The following KCNH8 variants were observed in gnomAD, a reference collection of about 807,000 sequenced individuals.
KCNH8 encodes potassium voltage-gated channel subfamily H member 8, also known as voltage-gated delayed rectifier potassium channel KCNH8.
A neutral mutation model predicts 103.6 loss-of-function variants in KCNH8; 70 were observed. The observed-to-expected ratio is 0.68, with a 90% CI of 0.56 to 0.82. The LOEUF (loss-of-function observed/expected upper bound fraction) is 0.82, where lower values mean the gene tolerates loss of function less well. Ranked by LOEUF, KCNH8 falls within the 40% of genes least tolerant of loss-of-function variation. The probability of loss-of-function intolerance (pLI) is 0.00; values close to 1 mark genes in which losing one functional copy is unlikely to be tolerated. For synonymous variants in KCNH8, 498 were observed against 489.4 expected, an observed-to-expected ratio of 1.02 and a Z score of -0.23; for missense variants, 1,217 against 1,329.9, an observed-to-expected ratio of 0.92 and a Z score of 1.32.
chr3:19,437,371 GTT>G (rs765230693), intron 7 of KCNH8, among the ~76,000 whole-genome samples: 4 of 152,050 alleles, frequency 2.6e-5, no homozygotes, highest in Non-Finnish European at 5.9e-5. Context: ...ATCTTCTCAT[GTT>G]TATTAATATA....
chr3:19,390,397 C>T, intron 5 of KCNH8, 84 bp from the exon 6 acceptor site: 3 of 1,031,674 alleles, frequency 2.9e-6, no homozygotes, highest in Non-Finnish European at 4.3e-6. Flanking sequence ...CCCTTCCTTT[C>T]TTCTTTCTTT....
At chr3:19,511,974 T>G (rs974531612) in intron 12 of KCNH8, among the ~76,000 whole-genome samples, 3 of 152,206 alleles carry the variant, frequency 2.0e-5, no homozygotes, top group African/African-American at 7.2e-5. Context: ...ACTATTCATT[T>G]AAGTCAATAA....
intron 3 of KCNH8, among the ~76,000 whole-genome samples, chr3:19,290,696 G>A (rs1329906374): frequency 6.6e-6 from 1 of 152,150 alleles, no homozygotes; most frequent in Non-Finnish European, 1.5e-5. Context: ...AGGGATATTG[G>A]TCTAAAATTC....
intron 5 of KCNH8, among the ~76,000 whole-genome samples, chr3:19,363,767 G>A (rs998774793): frequency 6.6e-6 from 1 of 152,074 alleles, no homozygotes; most frequent in African/African-American, 2.4e-5. Flanking sequence ...ACAAACATCA[G>A]TGGGCCCTGA....
At chr3:19,503,021 G>C (rs1332735252) in intron 11 of KCNH8, among the ~76,000 whole-genome samples, 292 of 151,526 alleles carry the variant, frequency 1.9e-3, no homozygotes, top group African/African-American at 3.7e-3. Context: ...TTTTCGCAAC[G>C]TACTCATCTG....
intron 3 of KCNH8, among the ~76,000 whole-genome samples, chr3:19,316,914 T>A (rs1276226458): frequency 6.6e-6 from 1 of 151,926 alleles, no homozygotes; most frequent in African/African-American, 2.4e-5. Flanking sequence ...ATAGATGCTT[T>A]GAAATTGGAT....
At chr3:19,221,597 T>A (rs1482617991) in intron 1 of KCNH8, among the ~76,000 whole-genome samples, 1 of 152,184 alleles carries the variant, frequency 6.6e-6, no homozygotes, top group Non-Finnish European at 1.5e-5. Flanking sequence ...TTCCTATTTT[T>A]AAAAAACATT....
At chr3:19,484,864 G>A (rs919821083) in intron 11 of KCNH8, among the ~76,000 whole-genome samples, 5 of 152,052 alleles carry the variant, frequency 3.3e-5, no homozygotes, top group South Asian at 2.1e-4. Flanking sequence ...CCTAACTCTC[G>A]GGGAGTGCCT....
intron 1 of KCNH8, among the ~76,000 whole-genome samples, chr3:19,188,443 G>T (rs1366799083): frequency 1.3e-5 from 2 of 152,060 alleles, no homozygotes; most frequent in Non-Finnish European, 2.9e-5. Flanking sequence ...AATGAATGTG[G>T]TTAGTTTCCA....
chr3:19,515,298 G>C (rs79497517), intron 13 of KCNH8, 24 bp from the exon 14 acceptor site: 1 of 1,343,056 alleles, frequency 7.4e-7, no homozygotes, highest in East Asian at 2.3e-5. Flanking sequence ...TCCACAGCCA[G>C]CCAATTTCCT....
At chr3:19,312,813 T>C (rs915254445) in intron 3 of KCNH8, among the ~76,000 whole-genome samples, 1 of 151,958 alleles carries the variant, frequency 6.6e-6, no homozygotes, top group Non-Finnish European at 1.5e-5. Context: ...GGGTTAGATG[T>C]TCTACAAGAT....
intron 3 of KCNH8, among the ~76,000 whole-genome samples, chr3:19,300,804 G>A (rs561376889): frequency 6.6e-6 from 1 of 151,484 alleles, no homozygotes; most frequent in East Asian, 1.9e-4. Context: ...TTGAGAGCTA[G>A]AGATTTTATA....
chr3:19,268,490 A>G (rs900033141), intron 2 of KCNH8, among the ~76,000 whole-genome samples: 2 of 152,022 alleles, frequency 1.3e-5, no homozygotes, highest in Non-Finnish European at 2.9e-5. Flanking sequence ...AGGTAGGTAA[A>G]CCAAGTTAGA....
intron 7 of KCNH8, among the ~76,000 whole-genome samples, chr3:19,413,415 AAACT>A (rs1251144175): frequency 1.3e-5 from 2 of 152,008 alleles, no homozygotes; most frequent in Non-Finnish European, 2.9e-5. Context: ...AAGAGTTGAA[AAACT>A]AACTGTTGGG....
intron 11 of KCNH8, among the ~76,000 whole-genome samples, chr3:19,488,725 T>C (rs111791653): frequency 4.4e-4 from 67 of 152,200 alleles, no homozygotes; most frequent in African/African-American, 1.4e-3. Flanking sequence ...TCAGGTCCCA[T>C]TGGGGGTCTG....
intron 1 of KCNH8, among the ~76,000 whole-genome samples, chr3:19,246,346 G>A (rs540908926): frequency 2.8e-5 from 4 of 141,250 alleles, no homozygotes; most frequent in African/African-American, 1.1e-4. Flanking sequence ...GTGCGATATC[G>A]GCTCACTGCA....
At chr3:19,361,013 T>G (rs1458682984) in intron 5 of KCNH8, among the ~76,000 whole-genome samples, 2 of 152,042 alleles carry the variant, frequency 1.3e-5, no homozygotes, top group Non-Finnish European at 2.9e-5. Flanking sequence ...GATAGCATGC[T>G]AAGACAAATT....
At chr3:19,385,221 A>G (rs1157971564) in intron 5 of KCNH8, among the ~76,000 whole-genome samples, 1 of 152,174 alleles carries the variant, frequency 6.6e-6, no homozygotes, top group African/African-American at 2.4e-5. Flanking sequence ...CTGACTTGAG[A>G]AAAGTAAGAA....
chr3:19,195,273 G>A (rs1249450831), intron 1 of KCNH8, among the ~76,000 whole-genome samples: 2 of 151,946 alleles, frequency 1.3e-5, no homozygotes, highest in African/African-American at 4.8e-5. Context: ...TAAGATGCCA[G>A]TGTGTTAATA....
Sources: gnomAD v4.1 joint callset for allele counts (sites outside exome capture counted in the v4.1 genomes callset) on GRCh38, gnomAD v4.1.1 for gene constraint, MANE v1.5 for transcripts, NCBI Gene and HGNC (gene_info 2026-07-23, HGNC 2026-07-21) for gene names.